Variants in IL1RAPL1 observed in about 807,000 individuals in gnomAD.
The protein encoded by IL1RAPL1 is interleukin 1 receptor accessory protein like 1.
Under a neutral mutation model 48.4 loss-of-function variants are expected in IL1RAPL1, and 3 were observed. The ratio of observed to expected loss-of-function variants is 0.06; its 90% CI spans 0.03 to 0.16. The LOEUF (loss-of-function observed/expected upper bound fraction) is 0.16. Ranked by LOEUF, IL1RAPL1 falls within the 10% of genes least tolerant of loss-of-function variation. IL1RAPL1 has a pLI of 1.00. For synonymous variants in IL1RAPL1, 185 were observed against 187.7 expected (o/e 0.99, Z 0.12); for missense variants, 349 against 530.6 (o/e 0.66, Z 3.36).
rs1282538188 is a variant in IL1RAPL1 at position 28,852,550 on chromosome X, T to G, written c.82+63125T>G. 6.3e-5 allele frequency among the ~76,000 whole-genome samples: 7 copies of G among 111,718 alleles called. No individual in the cohort carries two copies. In the Admixed American group the frequency reaches 6.7e-4, roughly 11 times the overall value. ...TATAATTAAGTTGGCAAAGCCTGCA[T>G]TTTGGCATTTTATCCCACTCTACAT... On this transcript the variant is annotated intron_variant, in intron 2 of 10. Coordinates refer to ENST00000378993, the MANE Select transcript of IL1RAPL1 (RefSeq NM_014271.4).
intron 1 of IL1RAPL1, among the ~76,000 whole-genome samples, chrX:28,610,213 C>T (rs1478102849): frequency 5.4e-5 from 6 of 112,120 alleles, no homozygotes; most frequent in African/African-American, 1.9e-4. Context: ...AATTGTTTTT[C>T]ACCATGTCTG....
chrX:29,853,618 ATTAT>A (rs763809708), intron 6 of IL1RAPL1, among the ~76,000 whole-genome samples: 2 of 112,114 alleles, frequency 1.8e-5, no homozygotes, highest in Non-Finnish European at 3.8e-5. Flanking sequence ...TTAAAAGTTA[ATTAT>A]TAAGGCAATA....
chrX:28,716,202 A>G (rs771512740), intron 1 of IL1RAPL1, among the ~76,000 whole-genome samples: 40 of 112,258 alleles, frequency 3.6e-4, no homozygotes, highest in Non-Finnish European at 6.6e-4. Context: ...AATAAGAGCC[A>G]TGTGTGGCAA....
At chrX:29,043,738 C>A (rs1445058423) in intron 2 of IL1RAPL1, among the ~76,000 whole-genome samples, 1 of 111,463 alleles carries the variant, frequency 9.0e-6, no homozygotes, top group African/African-American at 3.3e-5. Context: ...AGAATAATAG[C>A]AAATTGAAAG....
At chrX:29,180,911 A>G (rs1045064004) in intron 2 of IL1RAPL1, among the ~76,000 whole-genome samples, 1 of 111,928 alleles carries the variant, frequency 8.9e-6, no homozygotes, top group African/African-American at 3.2e-5. Flanking sequence ...ATGTCTGTGT[A>G]TATATCAAAT....
intron 6 of IL1RAPL1, among the ~76,000 whole-genome samples, chrX:29,787,838 T>C (rs1719142022): frequency 8.9e-6 from 1 of 112,199 alleles, no homozygotes; most frequent in African/African-American, 3.2e-5. Flanking sequence ...TTGCTAGAAT[T>C]GCCTAACATA....
rs1014359407 is a variant in IL1RAPL1, at chrX:29,399,290, A to G, written c.685A>G (p.Thr229Ala). 1 of 1,201,915 alleles carries G rather than the reference A, an allele frequency of 8.3e-7. No individual in the cohort carries two copies. The highest frequency in any genetic ancestry group is 1.1e-6 in the Non-Finnish European group (1 of 887,868). ...TGGAGGCTTTGTTGTGAGAAGAACT[A>G]CTGAATTAACTGTTACAGGTAATCA... is the stretch of plus-strand genomic sequence containing the variant. ...KYGGFVVRRT[T>A]ELTVTAPLTD... The change falls in exon 5 of 11, where the codon ACT becomes GCT. Residue 229 changes from threonine (T) to alanine (A), a missense_variant. By Grantham distance (58) the Thr-to-Ala change is moderately conservative. Around this residue, in one of 3 missense-constraint regions of IL1RAPL1, gnomAD observed 238 missense variants for 337.8 expected, o/e 0.70. Coordinates refer to ENST00000378993, the MANE Select transcript of IL1RAPL1 (RefSeq NM_014271.4).
At chrX:29,047,895 C>T (rs747097888) in intron 2 of IL1RAPL1, among the ~76,000 whole-genome samples, 9 of 110,433 alleles carry the variant, frequency 8.1e-5, no homozygotes, top group Non-Finnish European at 1.7e-4. Flanking sequence ...GAATTGGGCA[C>T]TTCCCCCCCT....
At chrX:28,986,240 A>G (rs1008093699) in intron 2 of IL1RAPL1, among the ~76,000 whole-genome samples, 2 of 112,204 alleles carry the variant, frequency 1.8e-5, no homozygotes, top group African/African-American at 6.5e-5. Context: ...TAAAAACTAG[A>G]TGCTAGATCT....
At chrX:29,849,243 A>G (rs1319586522) in intron 6 of IL1RAPL1, among the ~76,000 whole-genome samples, 2 of 112,182 alleles carry the variant, frequency 1.8e-5, no homozygotes, top group Non-Finnish European at 3.8e-5. Flanking sequence ...ACATTAAACC[A>G]TTACATGTAA....
At chrX:29,314,828 T>C (rs569497248) in intron 3 of IL1RAPL1, among the ~76,000 whole-genome samples, 1 of 112,578 alleles carries the variant, frequency 8.9e-6, no homozygotes, top group Admixed American at 9.4e-5. Flanking sequence ...ACTCATTTTT[T>C]CATCCACTCT....
chrX:28,684,242 C>T (rs1359937264), intron 1 of IL1RAPL1, among the ~76,000 whole-genome samples: 5 of 111,913 alleles, frequency 4.5e-5, no homozygotes, highest in African/African-American at 1.6e-4. Context: ...TTCATTGTTG[C>T]CCTTTTCACA....
At chrX:29,344,960 G>T (rs1933131995) in intron 3 of IL1RAPL1, among the ~76,000 whole-genome samples, 1 of 112,687 alleles carries the variant, frequency 8.9e-6, no homozygotes, top group South Asian at 3.6e-4. Flanking sequence ...ACCAGGACAC[G>T]ACCAATCAGA....
intron 2 of IL1RAPL1, among the ~76,000 whole-genome samples, chrX:28,790,711 C>A (rs1189451420): frequency 1.8e-5 from 2 of 112,239 alleles, no homozygotes; most frequent in Non-Finnish European, 3.8e-5. Context: ...CTCAGTGGAT[C>A]TTCTGAATGA....
chrX:29,094,087 C>T (rs1414035261), intron 2 of IL1RAPL1, among the ~76,000 whole-genome samples: 1 of 112,002 alleles, frequency 8.9e-6, no homozygotes, highest in Non-Finnish European at 1.9e-5. Flanking sequence ...TTCCCTACCA[C>T]CTCATTCTCA....
At chrX:29,772,060 C>T (rs1929080565) in intron 6 of IL1RAPL1, among the ~76,000 whole-genome samples, 1 of 110,054 alleles carries the variant, frequency 9.1e-6, no homozygotes, top group South Asian at 4.0e-4. Flanking sequence ...GTCCCTCCCA[C>T]AACACAGGGG....
chrX:29,319,546 G>GTATC (rs1488581381), intron 3 of IL1RAPL1, among the ~76,000 whole-genome samples: 7 of 81,011 alleles, frequency 8.6e-5, no homozygotes, highest in African/African-American at 2.1e-4. Context: ...ATGTATGTAT[G>GTATC]TATGTATGTA....
intron 5 of IL1RAPL1, among the ~76,000 whole-genome samples, chrX:29,484,396 C>T (rs1935075101): frequency 9.0e-6 from 1 of 111,565 alleles, no homozygotes; most frequent in African/African-American, 3.3e-5. Context: ...AATTACCTCC[C>T]AAAATCCCCG....
intron 6 of IL1RAPL1, among the ~76,000 whole-genome samples, chrX:29,697,151 G>A (rs1245058047): frequency 1.8e-5 from 2 of 111,689 alleles, no homozygotes; most frequent in African/African-American, 3.3e-5. Context: ...GCTTTATGGA[G>A]ATAAACGATC....
Sources: gnomAD v4.1 joint callset for allele counts (sites outside exome capture counted in the v4.1 genomes callset) on GRCh38, gnomAD v4.1.1 for gene constraint, gnomAD v4.1.1 regional missense constraint, MANE v1.5 for transcripts, NCBI Gene and HGNC (gene_info 2026-07-23, HGNC 2026-07-21) for gene names.